SCGB2B2: variants seen among roughly 807,000 people sequenced by gnomAD.
SCGB2B2 encodes secretoglobin-like protein.
In SCGB2B2, 11 loss-of-function variants were observed where a neutral mutation model predicts 7.6. The ratio of observed to expected loss-of-function variants is 1.45; its 90% CI spans 0.91 to 2.40. The LOEUF (loss-of-function observed/expected upper bound fraction) is 2.40. Ranked by LOEUF, SCGB2B2 falls within the 30% of genes most tolerant of loss-of-function variation. The pLI, the probability that SCGB2B2 is intolerant of heterozygous loss-of-function variation, is 0.00. For missense variants in SCGB2B2, 104 were observed against 115.4 expected, an observed-to-expected ratio of 0.90 and a Z score of 0.45; for synonymous variants, 50 against 48.6, an observed-to-expected ratio of 1.03 and a Z score of -0.12.
intron 1 of SCGB2B2, among the ~76,000 whole-genome samples, chr19:34,657,706 G>A (rs1453904837): frequency 6.6e-6 from 1 of 152,106 alleles, no homozygotes; most frequent in South Asian, 2.1e-4. Flanking sequence ...AGATTAACAA[G>A]GATATCCAGG....
chr19:34,603,954 G>T (rs997181380), intron 1 of SCGB2B2, among the ~76,000 whole-genome samples: 1 of 151,640 alleles, frequency 6.6e-6, no homozygotes, highest in Admixed American at 6.6e-5. Context: ...TATTTTATAT[G>T]GCTGAAGGGT....
chr19:34,606,884 G>C (rs2065795630), intron 1 of SCGB2B2, among the ~76,000 whole-genome samples: 1 of 151,994 alleles, frequency 6.6e-6, no homozygotes, highest in South Asian at 2.1e-4. Flanking sequence ...GCTTTCACGG[G>C]GGATTGTGGA....
rs572734295 is a variant in SCGB2B2 at position 34,591,545 on chromosome 19, C to A, written c.*2010G>T. On this transcript the variant is annotated 3_prime_UTR_variant, in exon 4 of 4. Coordinates refer to ENST00000601241, the MANE Select transcript of SCGB2B2 (RefSeq NM_001025591.4). ...GTGTGACCTCGTAAGTCCTGCTCAT[C>A]CCCTCCCAGGATTTTTCACTGCACA... Among the ~76,000 whole-genome samples, 5 of 152,324 alleles carry A rather than the reference C, an allele frequency of 3.3e-5. No homozygotes were observed. The highest frequency in any genetic ancestry group is 1.2e-4 in the African/African-American group (5 of 41,576).
At chr19:34,615,710 T>C (rs2066055479) in intron 1 of SCGB2B2, among the ~76,000 whole-genome samples, 1 of 152,068 alleles carries the variant, frequency 6.6e-6, no homozygotes. Context: ...TGTTTGAAAG[T>C]ATTCTCTCTA....
rs945138745 is a variant in SCGB2B2, at chr19:34,643,906, G to GA, written c.-2032+31723dup. ...CCACAAGAAGTCAGAAAGTTAAGCAGAAAAAAAAAAGAAGACAATTACTTT... is the reference window on the plus strand; with the variant it reads ...CCACAAGAAGTCAGAAAGTTAAGCAGAAAAAAAAAAAGAAGACAATTACTTT... On this transcript the variant is annotated intron_variant, in intron 1 of 3. Coordinates refer to ENST00000601241, the MANE Select transcript of SCGB2B2 (RefSeq NM_001025591.4). Among the ~76,000 whole-genome samples, 234 of 142,144 alleles carry GA rather than the reference G, an allele frequency of 1.6e-3. 1 individual carries two copies. The highest frequency in any genetic ancestry group is 4.6e-3 in the African/African-American group (178 of 38,754). The allele number at this position is 142,144 out of a possible 152,430, so 93.3% of individuals were successfully genotyped here.
chr19:34,659,694 G>A (rs545631363), intron 1 of SCGB2B2, among the ~76,000 whole-genome samples: 60 of 152,274 alleles, frequency 3.9e-4, no homozygotes, highest in Non-Finnish European at 7.4e-4. Context: ...AATCAATATC[G>A]TGAAAATGGC....
At chr19:34,643,012 A>G (rs922578911) in intron 1 of SCGB2B2, among the ~76,000 whole-genome samples, 13 of 152,192 alleles carry the variant, frequency 8.5e-5, no homozygotes, top group African/African-American at 3.1e-4. Context: ...ATTTCTCAGA[A>G]AACTAAAACT....
At position 34,676,865 on chromosome 19, in the gene SCGB2B2, T is replaced by G. The variant is rs1027484571; in HGVS notation, c.-3267A>C. 3 of 151,944 alleles carry G rather than the reference T, an allele frequency of 2.0e-5. No homozygotes were observed. The highest frequency in any genetic ancestry group is 1.3e-4 in the Admixed American group (2 of 15,256). The allele number at this position is 151,944 out of a possible 1,614,324, so 9.4% of individuals were successfully genotyped here. On this transcript the variant is annotated 5_prime_UTR_variant, in exon 1 of 4. Transcript: ENST00000601241. ...CTGCTCTGGCTTGCATACAGAGAGG[T>G]CCATTGCCCTTTTGGGTGGGCCTAA...
downstream of SCGB2B2, among the ~76,000 whole-genome samples, chr19:34,585,984 A>G (rs2065183372): frequency 6.6e-6 from 1 of 152,218 alleles, no homozygotes; most frequent in Admixed American, 6.5e-5. Flanking sequence ...TAGTTGACAT[A>G]TAACAATTAC....
In SCGB2B2 at chr19:34,594,716, G is replaced by T. The variant is rs1050831455; in HGVS notation, c.-153C>A. ...GTGTGTGTGTGTGAATGTGGTCAGG[G>T]CAGGTCTGCAGAGAGACCCTCGGCC... On this transcript the variant is annotated 5_prime_UTR_variant, in exon 2 of 4. It introduces an in-frame stop codon into an upstream open reading frame of the 5' UTR. Coordinates refer to ENST00000601241, the MANE Select transcript of SCGB2B2 (RefSeq NM_001025591.4). 4.2e-6 allele frequency: 3 copies of T among 712,584 alleles called. No homozygotes were observed. The highest frequency in any genetic ancestry group is 7.5e-6 in the Non-Finnish European group (3 of 402,432). The allele number at this position is 712,584 out of a possible 1,614,324, so 44.1% of individuals were successfully genotyped here. A position where few individuals can be genotyped will look rare whatever the true frequency, so the allele number is the denominator to read the frequency against.
intron 1 of SCGB2B2, among the ~76,000 whole-genome samples, chr19:34,640,129 G>A (rs529141075): frequency 2.0e-5 from 3 of 152,272 alleles, no homozygotes; most frequent in African/African-American, 7.2e-5. Flanking sequence ...TAATTTATTT[G>A]AGATAAGGTC....
chr19:34,660,482 C>T (rs750659354), intron 1 of SCGB2B2, among the ~76,000 whole-genome samples: 1 of 152,012 alleles, frequency 6.6e-6, no homozygotes, highest in East Asian at 1.9e-4. Context: ...AAGGATATGA[C>T]CAGACACTTC....
chr19:34,625,972 G>A (rs1303437841), intron 1 of SCGB2B2, among the ~76,000 whole-genome samples: 18 of 152,216 alleles, frequency 1.2e-4, no homozygotes, highest in Admixed American at 5.2e-4. Flanking sequence ...CATATCCGCT[G>A]TTCTGCAGCC....
chr19:34,593,987 G>A (rs918854053), intron 3 of SCGB2B2, among the ~76,000 whole-genome samples, 188 bp downstream of exon 3: 10 of 152,046 alleles, frequency 6.6e-5, no homozygotes, highest in African/African-American at 2.2e-4. Context: ...CGTCTGGGTC[G>A]AGGACTTGGA....
In SCGB2B2 at chr19:34,617,788, T is replaced by G. The variant is rs1406223778; in HGVS notation, c.-2031-21194A>C. 5.3e-5 allele frequency among the ~76,000 whole-genome samples: 8 copies of G among 152,258 alleles called. No individual in the cohort carries two copies. In the East Asian group the frequency reaches 1.4e-3, roughly 26 times the overall value. On this transcript the variant is annotated intron_variant, in intron 1 of 3. Transcript: ENST00000601241. ...CAGTTTTCAAAGGGAATGCTTCCAG[T>G]TTTTGCCCATTCAGTATGATATTGG... is the stretch of plus-strand genomic sequence containing the variant.
chr19:34,607,176 C>A (rs1014670490), intron 1 of SCGB2B2, among the ~76,000 whole-genome samples: 1 of 152,214 alleles, frequency 6.6e-6, no homozygotes, highest in African/African-American at 2.4e-5. Flanking sequence ...TTTCACTAGG[C>A]ATAATGTCCT....
intron 1 of SCGB2B2, among the ~76,000 whole-genome samples, chr19:34,656,589 C>T (rs982938334): frequency 6.6e-6 from 1 of 151,172 alleles, no homozygotes; most frequent in African/African-American, 2.5e-5. Context: ...GGTAACAAAG[C>T]ACAACCTTGT....
chr19:34,622,215 G>C (rs2066260474), intron 1 of SCGB2B2, among the ~76,000 whole-genome samples: 1 of 152,140 alleles, frequency 6.6e-6, no homozygotes, highest in Non-Finnish European at 1.5e-5. Flanking sequence ...CCTTGAGCCT[G>C]AGTTAAAACT....
chr19:34,635,070 G>A, intron 1 of SCGB2B2: 1 of 297,156 alleles, frequency 3.4e-6, no homozygotes. Flanking sequence ...TGCAGCTGAA[G>A]CATTTCCCAC....
Sources: allele counts gnomAD v4.1 joint callset (sites outside exome capture counted in the v4.1 genomes callset), GRCh38; gene constraint gnomAD v4.1.1; transcripts MANE v1.5; gene names NCBI Gene and HGNC (gene_info 2026-07-23, HGNC 2026-07-21).